Variants in DNAH3 observed in about 807,000 individuals in gnomAD.
The protein encoded by DNAH3 is axonemal beta dynein heavy chain 3.
In DNAH3, 332 loss-of-function variants were observed where a neutral mutation model predicts 432.5. The ratio of observed to expected loss-of-function variants is 0.77; its 90% CI spans 0.70 to 0.84. DNAH3 has a LOEUF of 0.84. DNAH3 is among the 40% of genes least tolerant of loss of function. DNAH3 has a pLI of 0.00. For synonymous variants in DNAH3, 1,956 were observed against 1,900.2 expected, an observed-to-expected ratio of 1.03 and a Z score of -0.76; for missense variants, 4,861 against 5,114.0, an observed-to-expected ratio of 0.95 and a Z score of 1.51.
exon 10 of DNAH3, chr16:21,121,958 T>C (rs1038204077): frequency 6.2e-7 from 1 of 1,612,342 alleles, no homozygotes; most frequent in Non-Finnish European, 8.5e-7. Context: ...GGGGATCCCA[T>C]TAGAGTTCTT....
chr16:20,950,221 G>C (rs1209158854), intron 56 of DNAH3, among the ~76,000 whole-genome samples: 1 of 152,136 alleles, frequency 6.6e-6, no homozygotes, highest in Non-Finnish European at 1.5e-5. Flanking sequence ...GTGTCATTTG[G>C]GGCTTTGTTT....
rs140126023 is a variant in DNAH3, at chr16:20,936,820, A to G, written c.11688T>C (p.Asn3896=). The G allele has an allele frequency of 4.4e-3, 7,110 of 1,613,302 alleles. 21 individuals are homozygous for G. Among genetic ancestry groups the G allele is most frequent in the Non-Finnish European group, 5.3e-3 (6,277 of 1,179,824 alleles). Reference sequence around the variant, plus strand: ...CCTGTCCTTTGATGGCTCGGCCAAGATTGATGAGGCTCCTCCGAACCACTT... The same window carrying G: ...CCTGTCCTTTGATGGCTCGGCCAAGGTTGATGAGGCTCCTCCGAACCACTT... Residue 3896 remains asparagine, a synonymous_variant, in exon 60 of 62, where the codon AAT becomes AAC. Transcript: ENST00000261383.
exon 15 of DNAH3, chr16:21,106,532 T>C (rs982393659): frequency 1.9e-6 from 3 of 1,612,138 alleles, no homozygotes; most frequent in East Asian, 2.2e-5. Flanking sequence ...AGCCGTTCAC[T>C]TGCATCTCTA....
At chr16:21,152,606 C>G (rs2092865550) in intron 1 of DNAH3, among the ~76,000 whole-genome samples, 1 of 152,234 alleles carries the variant, frequency 6.6e-6, no homozygotes, top group Admixed American at 6.5e-5. Context: ...GGGAGAGGCG[C>G]GAGCGGGAAC....
chr16:21,005,474 C>T (rs1254238274), intron 41 of DNAH3, among the ~76,000 whole-genome samples: 1 of 152,016 alleles, frequency 6.6e-6, no homozygotes, highest in Non-Finnish European at 1.5e-5. Context: ...CTCAACCTCC[C>T]GGGCTCAAGC....
intron 48 of DNAH3, among the ~76,000 whole-genome samples, chr16:20,983,310 G>A (rs889660648): frequency 1.3e-5 from 2 of 151,976 alleles, no homozygotes; most frequent in African/African-American, 4.8e-5. Context: ...ATTTTTAGTA[G>A]AGACGGGGTT....
intron 36 of DNAH3, among the ~76,000 whole-genome samples, 186 bp downstream of exon 36, chr16:21,033,788 T>C (rs1461690128): frequency 2.0e-5 from 3 of 152,144 alleles, no homozygotes; most frequent in African/African-American, 7.2e-5. Context: ...CCCTTGTTAT[T>C]ATAGAAGCAC....
At chr16:21,036,168 T>C (rs2089155955) in intron 35 of DNAH3, among the ~76,000 whole-genome samples, 2 of 151,770 alleles carry the variant, frequency 1.3e-5, no homozygotes, top group South Asian at 4.2e-4. Flanking sequence ...CTACAAAAAG[T>C]ACAAAAATTA....
intron 9 of DNAH3, among the ~76,000 whole-genome samples, chr16:21,123,711 G>C (rs2092390428): frequency 1.3e-5 from 2 of 152,126 alleles, no homozygotes; most frequent in South Asian, 4.1e-4. Context: ...AAATTCAAAA[G>C]AATATTCATC....
At chr16:21,075,163 C>T (rs1252046538) in intron 21 of DNAH3, among the ~76,000 whole-genome samples, 1 of 152,152 alleles carries the variant, frequency 6.6e-6, no homozygotes. Context: ...CAAGCCTGCA[C>T]CTTCACTGGG....
At chr16:20,935,040 A>C (rs1268457874) in intron 61 of DNAH3, among the ~76,000 whole-genome samples, 1 of 152,134 alleles carries the variant, frequency 6.6e-6, no homozygotes, top group African/African-American at 2.4e-5. Context: ...GGGCATTAAC[A>C]TTCTTGTAAA....
At chr16:20,940,605 T>C (rs2083769844) in intron 59 of DNAH3, among the ~76,000 whole-genome samples, 1 of 148,806 alleles carries the variant, frequency 6.7e-6, no homozygotes, top group Non-Finnish European at 1.5e-5. Flanking sequence ...TTTTTTTTTT[T>C]CTTTTTTGGA....
At chr16:20,945,152 G>C (rs1596888343) in intron 57 of DNAH3, among the ~76,000 whole-genome samples, 1 of 152,328 alleles carries the variant, frequency 6.6e-6, no homozygotes, top group African/African-American at 2.4e-5. Flanking sequence ...TTGTGGTAAA[G>C]AAGCCAGTCA....
rs146094160 is a variant in DNAH3 at position 21,111,802 on chromosome 16, C to A, written c.1923G>T (p.Lys641Asn). The A allele has an allele frequency of 2.3e-3, 3,658 of 1,612,638 alleles. 28 individuals carry two copies. The highest frequency in any genetic ancestry group is 0.012 in the Middle Eastern group (71 of 6,050). ...TTCTCCGTTTCTTTATGGCATTGAT[C>A]TTCTGCAGAAAGGAGCACATTCAGT... Residue 641 changes from lysine to asparagine, a missense_variant and splice_region_variant, in exon 14 of 62, where the codon AAG (lysine) becomes AAT (asparagine). Lys to Asn is a moderately conservative substitution (Grantham distance 94, BLOSUM62 0). Coordinates refer to ENST00000261383, the Ensembl canonical transcript of DNAH3.
At chr16:21,145,382 G>C (rs2092770667) in exon 3 of DNAH3, 1 of 1,614,150 alleles carries the variant, frequency 6.2e-7, no homozygotes, top group South Asian at 1.1e-5. Context: ...ATCAAGGGCG[G>C]GTAAAAGCTG....
intron 10 of DNAH3, 46 bp downstream of exon 11, chr16:21,121,899 C>T: frequency 6.6e-7 from 1 of 1,523,286 alleles, no homozygotes; most frequent in Non-Finnish European, 8.9e-7. Context: ...ATTTTATTCA[C>T]TAAGTGAAAA....
chr16:20,938,381 ACT>A (rs1170640134), intron 59 of DNAH3, among the ~76,000 whole-genome samples: 2 of 148,218 alleles, frequency 1.3e-5, no homozygotes, highest in Non-Finnish European at 3.0e-5. Context: ...CAAGAGTGAA[ACT>A]CTGTCTCAAT....
chr16:21,014,022 A>G (rs902904879), intron 41 of DNAH3, among the ~76,000 whole-genome samples: 2 of 152,216 alleles, frequency 1.3e-5, no homozygotes, highest in Admixed American at 6.5e-5. Flanking sequence ...AAGAAATGAT[A>G]CAAATTCTCT....
At chr16:20,935,480 C>G in exon 61 of DNAH3, 1 of 1,610,966 alleles carries the variant, frequency 6.2e-7, no homozygotes, top group Non-Finnish European at 8.5e-7. Flanking sequence ...CCTTGTCAAT[C>G]CATTCCTGGA....
Sources: gnomAD v4.1 joint callset for allele counts (sites outside exome capture counted in the v4.1 genomes callset) on GRCh38, gnomAD v4.1.1 for gene constraint, MANE v1.5 for transcripts, NCBI Gene and HGNC (gene_info 2026-07-23, HGNC 2026-07-21) for gene names.